AVEN: variants seen among roughly 807,000 people sequenced by gnomAD.
AVEN encodes the protein cell death regulator Aven.
A neutral mutation model predicts 38.1 loss-of-function variants in AVEN; 41 were observed. The ratio of observed to expected loss-of-function variants is 1.08; its 90% CI spans 0.84 to 1.40. The LOEUF (loss-of-function observed/expected upper bound fraction) is 1.40, where lower values mean the gene tolerates loss of function less well. AVEN is among the 40% of genes most tolerant of loss of function. AVEN has a pLI of 0.00. For synonymous variants in AVEN, 206 were observed against 171.8 expected, an observed-to-expected ratio of 1.20 and a Z score of -1.56; for missense variants, 605 against 438.8, an observed-to-expected ratio of 1.38 and a Z score of -3.38.
intron 1 of AVEN, among the ~76,000 whole-genome samples, chr15:34,006,255 G>A (rs1345713543): frequency 6.6e-6 from 1 of 151,298 alleles, no homozygotes; most frequent in Non-Finnish European, 1.5e-5. Context: ...AGTTTGCAGT[G>A]AGTCAAGATC....
At position 33,882,208 on chromosome 15, in the gene AVEN, T is replaced by C. The variant is rs188019968; in HGVS notation, c.446-6213A>G. 6.6e-5 allele frequency among the ~76,000 whole-genome samples: 10 copies of C among 152,284 alleles called. No homozygotes were observed. The East Asian group carries it at 1.9e-3, about 29-fold the overall frequency. ...TGCTTAAAAAACAATAAAAATCCCA[T>C]AATATTCTACTACTTTATAGATAAG... On this transcript the variant is annotated intron_variant, in intron 2 of 5. Transcript: ENST00000306730.
intron 1 of AVEN, among the ~76,000 whole-genome samples, chr15:34,005,225 T>C (rs1897293773): frequency 6.6e-6 from 1 of 152,152 alleles, no homozygotes; most frequent in African/African-American, 2.4e-5. Context: ...TCATATAACA[T>C]CCAGGCTAGT....
chr15:33,943,849 A>G (rs1251975571), intron 2 of AVEN, among the ~76,000 whole-genome samples: 2 of 135,822 alleles, frequency 1.5e-5, no homozygotes, highest in Non-Finnish European at 3.3e-5. Context: ...AAAAAAAAAA[A>G]GTTGTTACCA....
chr15:33,979,081 C>T (rs943463263), intron 2 of AVEN, among the ~76,000 whole-genome samples: 4 of 152,274 alleles, frequency 2.6e-5, no homozygotes, highest in Non-Finnish European at 5.9e-5. Context: ...TTTAAGTCTA[C>T]TCTAATAAAG....
At chr15:34,005,669 G>A (rs1018027236) in intron 1 of AVEN, among the ~76,000 whole-genome samples, 4 of 152,086 alleles carry the variant, frequency 2.6e-5, no homozygotes, top group African/African-American at 7.2e-5. Context: ...CTCTTTCATC[G>A]AGGAAATTGT....
intron 2 of AVEN, among the ~76,000 whole-genome samples, chr15:33,915,266 A>C (rs1893085816): frequency 6.6e-6 from 1 of 152,130 alleles, no homozygotes; most frequent in Admixed American, 6.6e-5. Flanking sequence ...AGGAAAACCA[A>C]GATAATCCAC....
intron 2 of AVEN, among the ~76,000 whole-genome samples, chr15:33,924,892 T>G (rs1452114564): frequency 6.6e-6 from 1 of 152,192 alleles, no homozygotes; most frequent in African/African-American, 2.4e-5. Flanking sequence ...ATAATATATG[T>G]AATTCATTAT....
chr15:33,853,207 A>G, the AVEN span: 1 of 998,126 alleles, frequency 1.0e-6, no homozygotes, highest in Non-Finnish European at 1.4e-6. Context: ...ATATCTCAAG[A>G]AGAGTAAGTC....
At chr15:33,864,253 G>C (rs370236091), downstream of AVEN, 6 of 1,281,630 alleles carry the variant, frequency 4.7e-6, no homozygotes, top group Non-Finnish European at 5.5e-6. Context: ...AGACTTAGTA[G>C]GGCATAGGTT....
In AVEN at chr15:33,886,722, A is replaced by G. The variant is rs184713710; in HGVS notation, c.446-10727T>C. Among the ~76,000 whole-genome samples the G allele has an allele frequency of 2.8e-3, 419 of 152,342 alleles. 2 individuals are homozygous for G. Among genetic ancestry groups the G allele is most frequent in the Non-Finnish European group, 4.6e-3 (310 of 68,030 alleles). On this transcript the variant is annotated intron_variant, in intron 2 of 5. Coordinates refer to ENST00000306730, the MANE Select transcript of AVEN (RefSeq NM_020371.3). Reference sequence around the variant, plus strand: ...AGCTCTGCAGAACTGTGAGTCAATTAAACCTCTTTCCTTTATAAATTATCC... The same window carrying G: ...AGCTCTGCAGAACTGTGAGTCAATTGAACCTCTTTCCTTTATAAATTATCC...
At chr15:34,075,235 G>A (rs1196434984), upstream of AVEN, among the ~76,000 whole-genome samples, 1 of 147,336 alleles carries the variant, frequency 6.8e-6, no homozygotes, top group African/African-American at 2.5e-5. Context: ...ATTTATAAAG[G>A]AAAGAAGTTT....
chr15:33,951,557 A>G (rs1462205813), intron 2 of AVEN, among the ~76,000 whole-genome samples: 1 of 148,810 alleles, frequency 6.7e-6, no homozygotes, highest in African/African-American at 2.5e-5. Context: ...AACTTAAAGT[A>G]TAATAAAAAA....
intron 2 of AVEN, among the ~76,000 whole-genome samples, chr15:33,907,478 A>T (rs6495331): frequency 6.6e-6 from 1 of 151,958 alleles, no homozygotes; most frequent in Admixed American, 6.6e-5. Context: ...TCTGTTCCAT[A>T]TTTTTCACTG....
chr15:33,943,560 T>C lies in AVEN; in HGVS notation c.445+59472A>G, dbSNP rs533037483. On this transcript the variant is annotated intron_variant, in intron 2 of 5. Coordinates refer to ENST00000306730, the MANE Select transcript of AVEN (RefSeq NM_020371.3). ...ACTGTACAATTAAAAATTGTTACAA[T>C]AGGCTGGGCACACGCCTGTAATCCC... Among the ~76,000 whole-genome samples, 3 of 152,274 alleles carry C rather than the reference T, an allele frequency of 2.0e-5. No individual in the cohort carries two copies. In the South Asian group the frequency reaches 6.2e-4, roughly 32 times the overall value.
At chr15:33,949,406 G>T (rs1335236841) in intron 2 of AVEN, among the ~76,000 whole-genome samples, 1 of 152,162 alleles carries the variant, frequency 6.6e-6, no homozygotes, top group Non-Finnish European at 1.5e-5. Flanking sequence ...TAAGATTTGG[G>T]ATGTTCTCTA....
intron 2 of AVEN, among the ~76,000 whole-genome samples, chr15:33,946,822 A>G (rs907170825): frequency 2.0e-5 from 3 of 152,216 alleles, no homozygotes; most frequent in South Asian, 2.1e-4. Flanking sequence ...GTAAAAGGGC[A>G]GCAGAGAAGT....
At chr15:33,944,821 A>G (rs940349173) in intron 2 of AVEN, among the ~76,000 whole-genome samples, 1 of 151,892 alleles carries the variant, frequency 6.6e-6, no homozygotes, top group East Asian at 1.9e-4. Flanking sequence ...AAAAAAAAAA[A>G]CCCACCAAAA....
chr15:34,015,426 G>C (rs1343441400), intron 1 of AVEN, among the ~76,000 whole-genome samples: 1 of 151,928 alleles, frequency 6.6e-6, no homozygotes, highest in South Asian at 2.1e-4. Flanking sequence ...AGCTTGCAGT[G>C]AGCCGAGATC....
Position 34,063,583 on chromosome 15 carries a change from G to T in AVEN, n.1127-151C>A, listed in dbSNP as rs778959312. On this transcript the variant is annotated intron_variant and non_coding_transcript_variant, in intron 4 of 11. Transcript: ENST00000675287. This position sits in a 1 kb window ranked among gnomAD's most constrained non-coding sequence, Gnocchi z 4.1. ...ACTGGGAAGCCATCCCAAGCCACTG[G>T]CCCAAGCGCCAATTGGGCCAAAGCT... The T allele has an allele frequency of 1.2e-6, 2 of 1,613,686 alleles. No individual in the cohort carries two copies. The highest frequency in any genetic ancestry group is 8.5e-7 in the Non-Finnish European group (1 of 1,180,014).
Sources: allele counts gnomAD v4.1 joint callset (sites outside exome capture counted in the v4.1 genomes callset), GRCh38; gene constraint gnomAD v4.1.1; non-coding constraint Gnocchi (gnomAD v3.1); transcripts MANE v1.5; gene names NCBI Gene and HGNC (gene_info 2026-07-23, HGNC 2026-07-21).